NKAIN3: variants seen among roughly 807,000 people sequenced by gnomAD.
NKAIN3 encodes the protein sodium/potassium-transporting ATPase subunit beta-1-interacting protein 3.
A neutral mutation model predicts 30.2 loss-of-function variants in NKAIN3; 25 were observed. The ratio of observed to expected loss-of-function variants is 0.83; its 90% CI spans 0.60 to 1.16. NKAIN3 has a LOEUF of 1.16. Ranked by LOEUF, NKAIN3 falls within the 50% of genes most tolerant of loss-of-function variation. The pLI, the probability that NKAIN3 is intolerant of heterozygous loss-of-function variation, is 0.00. For synonymous variants in NKAIN3, 91 were observed against 89.6 expected, an observed-to-expected ratio of 1.02 and a Z score of -0.09; for missense variants, 225 against 254.1, an observed-to-expected ratio of 0.89 and a Z score of 0.78.
At chr8:62,638,528 T>C (rs1586037020) in intron 3 of NKAIN3, among the ~76,000 whole-genome samples, 2 of 152,314 alleles carry the variant, frequency 1.3e-5, no homozygotes, top group South Asian at 2.1e-4. Context: ...TTGAAACGTC[T>C]ACATGCCCTT....
At chr8:62,671,157 G>A (rs1813290432) in intron 3 of NKAIN3, among the ~76,000 whole-genome samples, 1 of 152,152 alleles carries the variant, frequency 6.6e-6, no homozygotes, top group East Asian at 1.9e-4. Context: ...CTGTGTGGGA[G>A]ACAGGTCTCC....
At chr8:62,557,748 G>A (rs1245421642) in intron 1 of NKAIN3, among the ~76,000 whole-genome samples, 1 of 151,906 alleles carries the variant, frequency 6.6e-6, no homozygotes, top group Non-Finnish European at 1.5e-5. Context: ...GCTTTTTGAT[G>A]GAATTGTTTG....
chr8:62,455,811 C>A (rs1297219154), intron 1 of NKAIN3, among the ~76,000 whole-genome samples: 1 of 152,148 alleles, frequency 6.6e-6, no homozygotes, highest in Non-Finnish European at 1.5e-5. Context: ...AATTAACTGG[C>A]AGATTTCATT....
At chr8:62,615,490 A>T (rs1020657931) in intron 3 of NKAIN3, among the ~76,000 whole-genome samples, 9 of 152,102 alleles carry the variant, frequency 5.9e-5, no homozygotes, top group African/African-American at 9.7e-5. Flanking sequence ...GTGTCTCAGT[A>T]TGTCACATGA....
intron 4 of NKAIN3, among the ~76,000 whole-genome samples, chr8:62,886,823 C>T (rs1821159768): frequency 1.3e-5 from 2 of 152,116 alleles, no homozygotes; most frequent in South Asian, 4.1e-4. Context: ...TCCTTGGCCT[C>T]CACCCCCGAC....
At position 62,981,856 on chromosome 8, in the gene NKAIN3, A is replaced by G. The variant is rs1824088955; in HGVS notation, c.*16449A>G. 1 of 152,156 alleles carries G rather than the reference A, an allele frequency of 6.6e-6. No homozygotes were observed. Among genetic ancestry groups the G allele is most frequent in the Non-Finnish European group, 1.5e-5 (1 of 68,030 alleles). 9.4% of individuals were successfully genotyped at this position (152,156 alleles called of 1,614,324 possible). A position where few individuals can be genotyped will look rare whatever the true frequency, so the allele number is the denominator to read the frequency against. On this transcript the variant is annotated 3_prime_UTR_variant, in exon 7 of 7. Transcript: ENST00000623646. ...TAAAACTTAAAGTATAGTAAAAAAA[A>G]GAAAAGAAAGAAAAACTCTTTAACC...
At chr8:62,431,521 A>C (rs1255345115) in intron 1 of NKAIN3, among the ~76,000 whole-genome samples, 2 of 151,932 alleles carry the variant, frequency 1.3e-5, no homozygotes, top group Non-Finnish European at 2.9e-5. Flanking sequence ...ATTTGAAATC[A>C]TAAATGTGGA....
intron 3 of NKAIN3, among the ~76,000 whole-genome samples, chr8:62,694,696 G>T (rs1814096310): frequency 6.6e-6 from 1 of 152,028 alleles, no homozygotes; most frequent in Non-Finnish European, 1.5e-5. Flanking sequence ...AAACTACCTG[G>T]TTACCCTGCT....
At chr8:62,863,071 C>A in intron 4 of NKAIN3, 1 of 1,028,884 alleles carries the variant, frequency 9.7e-7, no homozygotes, top group South Asian at 1.3e-5. Context: ...TCCTCTGTAT[C>A]ATATATCTCT....
chr8:62,310,622 G>A (rs1247957954), intron 1 of NKAIN3, among the ~76,000 whole-genome samples: 1 of 150,302 alleles, frequency 6.7e-6, no homozygotes, highest in Non-Finnish European at 1.5e-5. Flanking sequence ...ATTCGAAAGT[G>A]TAAATAAAGT....
intron 3 of NKAIN3, among the ~76,000 whole-genome samples, chr8:62,740,550 G>T (rs961888181): frequency 1.3e-5 from 2 of 152,030 alleles, no homozygotes; most frequent in Non-Finnish European, 2.9e-5. Context: ...CCAAAAAAAG[G>T]AGATTATTAA....
chr8:62,988,125 G>A (rs1169393747), downstream of NKAIN3, among the ~76,000 whole-genome samples: 1 of 152,214 alleles, frequency 6.6e-6, no homozygotes, highest in Non-Finnish European at 1.5e-5. Context: ...TGCAAGAGGT[G>A]GGCTCCCACA....
At position 62,966,184 on chromosome 8, in the gene NKAIN3, C is replaced by G; in HGVS notation, c.*777C>G. ...TGCTGTCAGACCTAAACATACAGCT[C>G]ATGGGCTTGTGGGACAGAAATCACA... On this transcript the variant is annotated 3_prime_UTR_variant, in exon 7 of 7. Transcript: ENST00000623646. 1.0e-6 allele frequency: 1 copy of G among 985,080 alleles called. No individual in the cohort carries two copies. The highest frequency in any genetic ancestry group is 1.2e-6 in the Non-Finnish European group (1 of 829,676). 61.0% of individuals were successfully genotyped at this position (985,080 alleles called of 1,614,324 possible).
intron 1 of NKAIN3, among the ~76,000 whole-genome samples, chr8:62,299,419 G>C (rs1462696119): frequency 6.6e-6 from 1 of 152,014 alleles, no homozygotes; most frequent in Non-Finnish European, 1.5e-5. Flanking sequence ...CCTTGATGAT[G>C]GGATTGGAAA....
intron 1 of NKAIN3, among the ~76,000 whole-genome samples, chr8:62,452,744 G>T (rs1264591507): frequency 6.6e-6 from 1 of 152,002 alleles, no homozygotes; most frequent in Non-Finnish European, 1.5e-5. Context: ...TATTGAAAGT[G>T]GTATATGGCT....
At chr8:62,823,999 G>A (rs1474918847) in intron 4 of NKAIN3, among the ~76,000 whole-genome samples, 1 of 152,190 alleles carries the variant, frequency 6.6e-6, no homozygotes, top group Non-Finnish European at 1.5e-5. Flanking sequence ...GGATTAAGCA[G>A]AGGGGAGAAC....
At chr8:62,934,223 A>G (rs1822712718) in intron 5 of NKAIN3, among the ~76,000 whole-genome samples, 1 of 152,054 alleles carries the variant, frequency 6.6e-6, no homozygotes, top group African/African-American at 2.4e-5. Context: ...TCTCTCTAAA[A>G]AAAAGGAAAG....
chr8:62,915,111 T>A (rs1822051286), intron 4 of NKAIN3, among the ~76,000 whole-genome samples: 1 of 152,208 alleles, frequency 6.6e-6, no homozygotes, highest in African/African-American at 2.4e-5. Flanking sequence ...CCATCTCCAC[T>A]GTGGCCTAAA....
Position 62,919,305 on chromosome 8 carries a change from C to T in NKAIN3, c.532+792C>T, listed in dbSNP as rs1822206111. Among the ~76,000 whole-genome samples, 4 of 118,158 alleles carry T rather than the reference C, an allele frequency of 3.4e-5. No individual in the cohort carries two copies. The East Asian group carries it at 8.3e-4, about 24-fold the overall frequency. The allele number at this position is 118,158 out of a possible 152,430, so 77.5% of individuals were successfully genotyped here. A position where few individuals can be genotyped will look rare whatever the true frequency, so the allele number is the denominator to read the frequency against. On this transcript the variant is annotated intron_variant, in intron 5 of 6. Coordinates refer to ENST00000623646, the MANE Select transcript of NKAIN3 (RefSeq NM_001304533.3). ...TGTCGCCCAGGCTGGAGTGCAGTGG[C>T]GTGATCTCAGCTCACTGCAAGCTCC... is the stretch of plus-strand genomic sequence containing the variant.
Sources: allele counts gnomAD v4.1 joint callset (sites outside exome capture counted in the v4.1 genomes callset), GRCh38; gene constraint gnomAD v4.1.1; transcripts MANE v1.5; gene names NCBI Gene and HGNC (gene_info 2026-07-23, HGNC 2026-07-21).